VMP1: variants seen among roughly 807,000 people sequenced by gnomAD.
VMP1 encodes ectopic P-granules autophagy protein 3 homolog.
VMP1 carries 11 observed loss-of-function variants against 56.0 expected under a neutral mutation model. That is an observed-to-expected ratio of 0.20 (90% CI 0.12 to 0.32). The LOEUF is 0.32. Among genes scored for constraint, VMP1 ranks in the 10% least tolerant of loss-of-function variants. VMP1 has a pLI of 1.00. For missense variants in VMP1, 296 were observed against 490.3 expected (o/e 0.60, Z 3.74); for synonymous variants, 149 against 165.0 (o/e 0.90, Z 0.74).
chr17:59,841,972 A>C lies in VMP1; in HGVS notation c.*2061A>C, dbSNP rs2039170120. 6.6e-6 allele frequency: 1 copy of C among 152,226 alleles called. No individual in the cohort carries two copies. The highest frequency in any genetic ancestry group is 2.4e-5 in the African/African-American group (1 of 41,466). The allele number at this position is 152,226 out of a possible 1,614,324, so 9.4% of individuals were successfully genotyped here. On this transcript the variant is annotated 3_prime_UTR_variant, in exon 12 of 12. Coordinates refer to ENST00000262291, the MANE Select transcript of VMP1 (RefSeq NM_030938.5). The stretch of plus-strand genomic sequence containing the variant: ...ACTTTCAAATGAATTTGCTTTCAAA[A>C]TAAATGAAGAGCAGCTGTCCTTCTT...
intron 10 of VMP1, among the ~76,000 whole-genome samples, chr17:59,819,929 G>GA (rs2038380827): frequency 1.3e-5 from 2 of 152,134 alleles, no homozygotes; most frequent in African/African-American, 4.8e-5. Context: ...AGTACCTTCT[G>GA]TTTCCCCAGC....
chr17:59,800,170 T>C (rs539385597), intron 7 of VMP1, among the ~76,000 whole-genome samples: 2 of 152,284 alleles, frequency 1.3e-5, no homozygotes, highest in African/African-American at 4.8e-5. Flanking sequence ...CAAGAAAGAT[T>C]TGAAGTTATA....
intron 1 of VMP1, among the ~76,000 whole-genome samples, chr17:59,728,879 A>G (rs2034709911): frequency 6.6e-6 from 1 of 152,170 alleles, no homozygotes; most frequent in Non-Finnish European, 1.5e-5. Context: ...TGCAACTATC[A>G]AAACAATTTT....
At chr17:59,785,576 G>A (rs1243118070) in intron 7 of VMP1, among the ~76,000 whole-genome samples, 1 of 151,628 alleles carries the variant, frequency 6.6e-6, no homozygotes, top group Non-Finnish European at 1.5e-5. Flanking sequence ...TGTAATCCCA[G>A]CTACTTGGGA....
chr17:59,835,363 G>A (rs902694315), intron 10 of VMP1, among the ~76,000 whole-genome samples: 1 of 151,980 alleles, frequency 6.6e-6, no homozygotes, highest in Non-Finnish European at 1.5e-5. Flanking sequence ...TCCTGACCTC[G>A]TGATCTGCCC....
intron 7 of VMP1, among the ~76,000 whole-genome samples, chr17:59,780,356 C>G (rs1196817953): frequency 1.3e-5 from 2 of 152,234 alleles, no homozygotes; most frequent in East Asian, 3.9e-4. Context: ...TTTGGGAGAC[C>G]AAGGTGGGCG....
chr17:59,827,157 C>CT (rs547803991), intron 10 of VMP1, among the ~76,000 whole-genome samples: 9 of 151,506 alleles, frequency 5.9e-5, no homozygotes, highest in South Asian at 4.2e-4. Context: ...AATACTGTCA[C>CT]TTTTTTTTTC....
At chr17:59,791,639 T>A (rs2037233812) in intron 7 of VMP1, among the ~76,000 whole-genome samples, 1 of 151,504 alleles carries the variant, frequency 6.6e-6, no homozygotes. Flanking sequence ...TAATTTTGTA[T>A]TTTTAGTAGA....
chr17:59,730,527 A>G (rs2034784181), intron 1 of VMP1, among the ~76,000 whole-genome samples: 1 of 152,174 alleles, frequency 6.6e-6, no homozygotes, highest in Non-Finnish European at 1.5e-5. Flanking sequence ...GGTCTCCCAA[A>G]GTGCTGGGAT....
chr17:59,814,845 G>T (rs977577485), intron 9 of VMP1, among the ~76,000 whole-genome samples: 1 of 152,108 alleles, frequency 6.6e-6, no homozygotes, highest in Non-Finnish European at 1.5e-5. Context: ...GTGTTCCATC[G>T]TATCATAGTG....
At chr17:59,811,896 T>C (rs2038063252) in intron 9 of VMP1, 110 bp downstream of exon 9, 1 of 803,290 alleles carries the variant, frequency 1.2e-6, no homozygotes, top group Non-Finnish European at 2.0e-6. Flanking sequence ...CTTTTTTGGT[T>C]GGTAGCTTAC....
chr17:59,744,323 G>A (rs1347416676), intron 5 of VMP1, among the ~76,000 whole-genome samples: 3 of 151,436 alleles, frequency 2.0e-5, no homozygotes, highest in Admixed American at 1.3e-4. Flanking sequence ...TTAGCCAGGC[G>A]TGTTGACAGG....
At chr17:59,839,744 A>G (rs774882101) in intron 11 of VMP1, 24 bp from the exon 12 acceptor site, 4 of 1,592,926 alleles carry the variant, frequency 2.5e-6, no homozygotes, top group African/African-American at 1.4e-5. Flanking sequence ...TTTTCATTGC[A>G]TTGTTCTGCA....
At chr17:59,740,019 G>A (rs561447664) in intron 5 of VMP1, among the ~76,000 whole-genome samples, 1 of 150,980 alleles carries the variant, frequency 6.6e-6, no homozygotes, top group Admixed American at 6.6e-5. Context: ...GGAGCTTGCA[G>A]TGAGCCGAGA....
At chr17:59,727,169 G>A (rs2034638940) in intron 1 of VMP1, among the ~76,000 whole-genome samples, 1 of 150,728 alleles carries the variant, frequency 6.6e-6, no homozygotes, top group Non-Finnish European at 1.5e-5. Flanking sequence ...GTCTTGCTCT[G>A]TCTCGCCCAT....
chr17:59,776,715 A>G (rs1430618545), intron 7 of VMP1, among the ~76,000 whole-genome samples: 1 of 152,218 alleles, frequency 6.6e-6, no homozygotes, highest in Admixed American at 6.5e-5. Flanking sequence ...GACAACTGAT[A>G]GTTCTTTGAG....
chr17:59,807,578 A>T (rs1460113745), intron 7 of VMP1, among the ~76,000 whole-genome samples: 5 of 151,882 alleles, frequency 3.3e-5, no homozygotes, highest in African/African-American at 1.2e-4. Context: ...CATGCCTGTA[A>T]TCTTGGCACT....
rs769881839 is a variant in VMP1 at position 59,811,741 on chromosome 17, T to C, written c.867T>C (p.Phe289=). ...TTCTGGTACCTTTTTGGACCTTCTTTGGTGCAACCCTAATTGGAAAAGCAA... is the reference window on the plus strand; with the variant it reads ...TTCTGGTACCTTTTTGGACCTTCTTCGGTGCAACCCTAATTGGAAAAGCAA... ...GHFLVPFWTF[F]GATLIGKAII... Residue 289 remains phenylalanine (F), a synonymous_variant, in exon 9 of 12, where the codon TTT becomes TTC. Coordinates refer to ENST00000262291, the MANE Select transcript of VMP1 (RefSeq NM_030938.5). The C allele has an allele frequency of 6.2e-7, 1 of 1,614,032 alleles. No homozygotes were observed.
intron 1 of VMP1, 135 bp from the exon 2 acceptor site, chr17:59,731,285 AG>A (rs2034813248): frequency 2.5e-5 from 11 of 442,754 alleles, no homozygotes; most frequent in Non-Finnish European, 4.3e-5. Flanking sequence ...TGGTTATAAA[AG>A]AAAAAAAGTG....
Sources: allele counts gnomAD v4.1 joint callset (sites outside exome capture counted in the v4.1 genomes callset), GRCh38; gene constraint gnomAD v4.1.1; transcripts MANE v1.5; gene names NCBI Gene and HGNC (gene_info 2026-07-23, HGNC 2026-07-21).